The following USP20 variants were observed in gnomAD, a reference collection of about 807,000 sequenced individuals.
USP20 encodes the protein ubiquitin specific peptidase 20.
USP20 carries 80 observed loss-of-function variants against 124.2 expected under a neutral mutation model. The ratio of observed to expected loss-of-function variants is 0.64; its 90% CI spans 0.54 to 0.78. The LOEUF (loss-of-function observed/expected upper bound fraction) is 0.78. USP20 is among the 30% of genes least tolerant of loss of function. USP20 has a pLI of 0.00. For synonymous variants in USP20, 481 were observed against 512.3 expected (o/e 0.94, Z 0.83); for missense variants, 1,043 against 1,244.4 (o/e 0.84, Z 2.44).
At chr9:129,844,702 T>G (rs7045022) in intron 1 of USP20, among the ~76,000 whole-genome samples, 22,405 of 150,668 alleles carry the variant, frequency 0.15, 2,227 homozygotes, top group African/African-American at 0.28. Flanking sequence ...GGTAACCATA[T>G]TTTTTTTCCT....
intron 12 of USP20, 103 bp downstream of exon 12, chr9:129,869,105 G>A (rs2033983984): frequency 6.8e-7 from 1 of 1,467,280 alleles, no homozygotes; most frequent in African/African-American, 1.4e-5. Context: ...CCGGGCTATG[G>A]GCTCCTCTCA....
At chr9:129,842,482 G>C (rs1367457918) in intron 1 of USP20, among the ~76,000 whole-genome samples, 1 of 152,092 alleles carries the variant, frequency 6.6e-6, no homozygotes, top group African/African-American at 2.4e-5. Flanking sequence ...GAGGTACATG[G>C]TCAGTGTTGG....
chr9:129,858,397 C>T, intron 5 of USP20, 70 bp from the exon 6 acceptor site: 1 of 1,600,600 alleles, frequency 6.2e-7, no homozygotes, highest in Non-Finnish European at 8.5e-7. Context: ...GGGAGCGGAG[C>T]AGCCATTACA....
intron 6 of USP20, among the ~76,000 whole-genome samples, chr9:129,859,340 C>G (rs1367282845): frequency 9.9e-6 from 1 of 101,000 alleles, no homozygotes; most frequent in Non-Finnish European, 2.1e-5. Context: ...GTGGTGCAAT[C>G]TCATCTCACT....
intron 1 of USP20, among the ~76,000 whole-genome samples, chr9:129,838,948 A>G (rs1009394367): frequency 3.3e-5 from 5 of 152,170 alleles, no homozygotes; most frequent in Non-Finnish European, 7.3e-5. Context: ...CATATCCTAG[A>G]CTGAAGGAAG....
chr9:129,875,575 A>G lies in USP20; in HGVS notation c.2234A>G (p.Lys745Arg). Reference protein sequence around the residue: ...LCSHGGIPPHKYHYIDDLVVI... With the variant: ...LCSHGGIPPHRYHYIDDLVVI... ...TTCTTCCCAGGCATCCCGCCCCACA[A>G]ATACCACTACATCGACGACCTGGTG... Residue 745 changes from lysine to arginine, a missense_variant, in exon 21 of 26, where the codon AAA (lysine) becomes AGA (arginine). Coordinates refer to ENST00000372429, the MANE Select transcript of USP20 (RefSeq NM_001110303.4). 6.2e-7 allele frequency: 1 copy of G among 1,614,076 alleles called. No individual in the cohort carries two copies. The highest frequency in any genetic ancestry group is 8.5e-7 in the Non-Finnish European group (1 of 1,179,980).
chr9:129,869,216 G>T, intron 12 of USP20, 94 bp from the exon 13 acceptor site: 1 of 1,375,954 alleles, frequency 7.3e-7, no homozygotes. Context: ...ACTCACGGAT[G>T]TCACTCCACA....
intron 2 of USP20, among the ~76,000 whole-genome samples, 159 bp from the exon 3 acceptor site, chr9:129,852,381 A>G (rs1244185960): frequency 6.6e-6 from 1 of 152,188 alleles, no homozygotes; most frequent in Non-Finnish European, 1.5e-5. Context: ...TTAGACAAGG[A>G]AAGTGATGCT....
chr9:129,871,544 G>A (rs548393929), intron 15 of USP20, among the ~76,000 whole-genome samples: 3 of 152,066 alleles, frequency 2.0e-5, no homozygotes, highest in East Asian at 1.9e-4. Flanking sequence ...TTAATTTCTC[G>A]AGGAGCCACC....
At chr9:129,844,105 A>G (rs2032395377) in intron 1 of USP20, among the ~76,000 whole-genome samples, 1 of 152,140 alleles carries the variant, frequency 6.6e-6, no homozygotes, top group Non-Finnish European at 1.5e-5. Context: ...AATGTTTCTC[A>G]GTGCCTTCTT....
chr9:129,875,924 T>TGAAG (rs1564223147), intron 21 of USP20, among the ~76,000 whole-genome samples: 3 of 152,098 alleles, frequency 2.0e-5, no homozygotes, highest in East Asian at 1.9e-4. Flanking sequence ...GGCCATCTGC[T>TGAAG]CTTCAGCCTT....
At position 129,873,497 on chromosome 9, in the gene USP20, G is replaced by A. The variant is rs761139697; in HGVS notation, c.1676G>A (p.Ser559Asn). The change falls in exon 16 of 26, where the codon AGC (serine) becomes AAC (asparagine). Residue 559 changes from serine to asparagine, a missense_variant. Coordinates refer to ENST00000372429, the MANE Select transcript of USP20 (RefSeq NM_001110303.4). ...ACTGCCCTAGGTGACAACATGTACAGCTGTGAGCGGTGTAAGAAGTAAGTG... is the reference window on the plus strand; with the variant it reads ...ACTGCCCTAGGTGACAACATGTACAACTGTGAGCGGTGTAAGAAGTAAGTG... ...ADELKGDNMY[S>N]CERCKKLRNG... is the part of the protein sequence containing the mutation. 6.2e-7 allele frequency: 1 copy of A among 1,614,160 alleles called. No homozygotes were observed. The highest frequency in any genetic ancestry group is 1.1e-5 in the South Asian group (1 of 91,090).
intron 10 of USP20, among the ~76,000 whole-genome samples, chr9:129,866,228 C>CTT (rs35246234): frequency 6.6e-6 from 1 of 151,716 alleles, no homozygotes; most frequent in African/African-American, 2.4e-5. Context: ...CTTCCGCCCT[C>CTT]TACCCCCTGC....
intron 6 of USP20, among the ~76,000 whole-genome samples, chr9:129,860,346 AC>A (rs1194847384): frequency 1.3e-5 from 2 of 149,354 alleles, no homozygotes; most frequent in Non-Finnish European, 3.0e-5. Flanking sequence ...AAAAAAAAAA[AC>A]GTCTACATAA....
intron 10 of USP20, among the ~76,000 whole-genome samples, chr9:129,867,217 G>A (rs919323428): frequency 4.5e-4 from 68 of 152,266 alleles, no homozygotes; most frequent in African/African-American, 1.4e-3. Flanking sequence ...CCACCACCAC[G>A]TTCTGACCTC....
Position 129,879,548 on chromosome 9 carries a change from C to A in USP20, c.2513-25C>A. 6.2e-7 allele frequency: 1 copy of A among 1,612,002 alleles called. No homozygotes were observed. Among genetic ancestry groups the A allele is most frequent in the Non-Finnish European group, 8.5e-7 (1 of 1,179,082 alleles). ...GGTGGAGGGCATGGCAGGGGCTGAA[C>A]CCGAGCCCGCTGTGTCTGTTGCAGA... is the stretch of plus-strand genomic sequence containing the variant. On this transcript the variant is annotated intron_variant, in intron 23 of 25. Coordinates refer to ENST00000372429, the MANE Select transcript of USP20 (RefSeq NM_001110303.4). This position sits in a 1 kb window ranked among gnomAD's most constrained non-coding sequence, Gnocchi z 4.2.
intron 1 of USP20, among the ~76,000 whole-genome samples, chr9:129,840,061 C>T (rs1364982757): frequency 6.6e-6 from 1 of 152,290 alleles, no homozygotes; most frequent in East Asian, 1.9e-4. Context: ...CTCTCCTGCC[C>T]CAAGAGAGGA....
intron 3 of USP20, among the ~76,000 whole-genome samples, chr9:129,853,648 A>C (rs545511353): frequency 4.5e-4 from 69 of 152,326 alleles, no homozygotes; most frequent in Middle Eastern, 3.4e-3. Flanking sequence ...GCATGGGAGC[A>C]GTTCTTCATA....
rs374046078 is a variant in USP20 at position 129,852,515 on chromosome 9, C to T, written c.-16-25C>T. ...CTGCCAACACTGGCTGCCATTAACC[C>T]GGGATTGCTTGTGTCTTCTCATAGG... On this transcript the variant is annotated intron_variant, in intron 2 of 25. Coordinates refer to ENST00000372429, the MANE Select transcript of USP20 (RefSeq NM_001110303.4). The T allele has an allele frequency of 3.4e-4, 537 of 1,561,522 alleles. 1 individual carries two copies. The highest frequency in any genetic ancestry group is 4.3e-4 in the Non-Finnish European group (495 of 1,151,408).
Sources: gnomAD v4.1 joint callset for allele counts (sites outside exome capture counted in the v4.1 genomes callset) on GRCh38, gnomAD v4.1.1 for gene constraint, Gnocchi (gnomAD v3.1) non-coding constraint, MANE v1.5 for transcripts, NCBI Gene and HGNC (gene_info 2026-07-23, HGNC 2026-07-21) for gene names.